SCD5: variants seen among roughly 807,000 people sequenced by gnomAD.
SCD5 encodes acyl-CoA-desaturase 4.
SCD5 carries 20 observed loss-of-function variants against 30.4 expected under a neutral mutation model. The observed-to-expected ratio is 0.66, with a 90% CI of 0.46 to 0.96. SCD5 has a LOEUF of 0.96. SCD5 is among the 40% of genes least tolerant of loss of function. The pLI, the probability that SCD5 is intolerant of heterozygous loss-of-function variation, is 0.00. For synonymous variants in SCD5, 173 were observed against 176.4 expected, an observed-to-expected ratio of 0.98 and a Z score of 0.16; for missense variants, 381 against 443.3, an observed-to-expected ratio of 0.86 and a Z score of 1.26.
chr4:82,641,089 T>TGA (rs2148812729), intron 3 of SCD5, among the ~76,000 whole-genome samples: 1 of 152,054 alleles, frequency 6.6e-6, no homozygotes, highest in African/African-American at 2.4e-5. Flanking sequence ...GCCCTAGAAC[T>TGA]GAGACAGAAG....
intron 1 of SCD5, among the ~76,000 whole-genome samples, chr4:82,720,448 A>AT: frequency 6.7e-6 from 1 of 148,246 alleles, no homozygotes; most frequent in East Asian, 1.9e-4. Flanking sequence ...AAATAAAAAA[A>AT]AAAAAAAAAA....
At chr4:82,748,290 T>C (rs191425043) in intron 1 of SCD5, among the ~76,000 whole-genome samples, 4 of 151,748 alleles carry the variant, frequency 2.6e-5, no homozygotes, top group Non-Finnish European at 4.4e-5. Flanking sequence ...ATTGATAGAC[T>C]CAGGCCTAGG....
chr4:82,754,286 A>G (rs972232659), intron 1 of SCD5, among the ~76,000 whole-genome samples: 6 of 152,244 alleles, frequency 3.9e-5, no homozygotes, highest in African/African-American at 1.2e-4. Context: ...GATACTAAAA[A>G]TAAATTCAAA....
intron 3 of SCD5, among the ~76,000 whole-genome samples, chr4:82,651,291 G>C (rs747650327): frequency 6.6e-6 from 1 of 152,182 alleles, no homozygotes; most frequent in East Asian, 1.9e-4. Flanking sequence ...CTAGGTATAA[G>C]AAAGAAAGAA....
chr4:82,730,444 A>G (rs988529810), intron 1 of SCD5, among the ~76,000 whole-genome samples: 4 of 148,070 alleles, frequency 2.7e-5, no homozygotes, highest in South Asian at 2.1e-4. Flanking sequence ...TTACAGGCGC[A>G]TGCCACTATG....
At chr4:82,770,129 C>A (rs1418647652) in intron 1 of SCD5, among the ~76,000 whole-genome samples, 1 of 152,082 alleles carries the variant, frequency 6.6e-6, no homozygotes, top group Non-Finnish European at 1.5e-5. Context: ...TGGTGTGCTG[C>A]ACCCATTAAC....
At chr4:82,631,623 A>G in intron 4 of SCD5, 106 bp from the exon 5 acceptor site, 2 of 1,178,780 alleles carry the variant, frequency 1.7e-6, no homozygotes, top group East Asian at 2.5e-5. Flanking sequence ...ACATGGTGTC[A>G]GCCTCTGTGA....
intron 1 of SCD5, among the ~76,000 whole-genome samples, chr4:82,775,229 C>T (rs894299077): frequency 1.3e-5 from 2 of 152,196 alleles, no homozygotes; most frequent in African/African-American, 4.8e-5. Context: ...CAGTTGCTTC[C>T]CTCTCCTGTT....
At chr4:82,791,454 C>G (rs573774859) in intron 1 of SCD5, among the ~76,000 whole-genome samples, 49 of 151,786 alleles carry the variant, frequency 3.2e-4, no homozygotes, top group Middle Eastern at 3.4e-3. Context: ...ACCAGGGCTT[C>G]CTGATAACCA....
At chr4:82,740,355 G>A (rs12640414) in intron 1 of SCD5, among the ~76,000 whole-genome samples, 22,078 of 152,174 alleles carry the variant, frequency 0.15, 2,847 homozygotes, top group African/African-American at 0.35. Context: ...TCAGAGGGGA[G>A]AAAGGATGGG....
chr4:82,700,171 C>A (rs1719788309), intron 2 of SCD5, among the ~76,000 whole-genome samples: 1 of 152,030 alleles, frequency 6.6e-6, no homozygotes, highest in Admixed American at 6.5e-5. Flanking sequence ...GAGTCGAGAT[C>A]ACACCACTGC....
chr4:82,785,344 A>T (rs1721963453), intron 1 of SCD5, among the ~76,000 whole-genome samples: 1 of 152,244 alleles, frequency 6.6e-6, no homozygotes, highest in Non-Finnish European at 1.5e-5. Flanking sequence ...AAGGATGACC[A>T]TGCAAGACAA....
intron 1 of SCD5, among the ~76,000 whole-genome samples, chr4:82,745,548 G>A (rs1054949746): frequency 7.2e-5 from 11 of 152,194 alleles, no homozygotes; most frequent in African/African-American, 2.7e-4. Context: ...TGTGCAGGAT[G>A]TGCAGGTTTG....
At chr4:82,784,473 T>C (rs903809072) in intron 1 of SCD5, among the ~76,000 whole-genome samples, 3 of 152,352 alleles carry the variant, frequency 2.0e-5, no homozygotes, top group Admixed American at 2.0e-4. Context: ...TATTTTTCTC[T>C]GATGATAAAA....
chr4:82,785,864 G>T (rs775046862), intron 1 of SCD5, among the ~76,000 whole-genome samples: 3 of 152,112 alleles, frequency 2.0e-5, no homozygotes, highest in Non-Finnish European at 4.4e-5. Context: ...TAACAGAGAC[G>T]CCAGGGCAAA....
At chr4:82,689,511 T>C (rs113801197) in intron 2 of SCD5, among the ~76,000 whole-genome samples, 306 of 152,320 alleles carry the variant, frequency 2.0e-3, no homozygotes, top group African/African-American at 7.0e-3. Flanking sequence ...AAACAGTCCA[T>C]GGGCTATAAA....
chr4:82,779,817 G>T (rs1213706859), intron 1 of SCD5, among the ~76,000 whole-genome samples: 2 of 152,192 alleles, frequency 1.3e-5, no homozygotes, highest in African/African-American at 4.8e-5. Context: ...CAATTTTTCA[G>T]ATTTTTGTAT....
At chr4:82,679,264 G>A (rs200729357) in intron 3 of SCD5, among the ~76,000 whole-genome samples, 8 of 99,960 alleles carry the variant, frequency 8.0e-5, no homozygotes, top group African/African-American at 2.6e-4. Context: ...AAGAAAGAAG[G>A]AAGGAAAGAA....
chr4:82,718,020 G>T (rs1293129096), intron 1 of SCD5, among the ~76,000 whole-genome samples: 1 of 143,018 alleles, frequency 7.0e-6, no homozygotes, highest in Non-Finnish European at 1.5e-5. Flanking sequence ...AAAAAAAAAA[G>T]AATAATTTCT....
Sources: gnomAD v4.1 joint callset for allele counts (sites outside exome capture counted in the v4.1 genomes callset) on GRCh38, gnomAD v4.1.1 for gene constraint, MANE v1.5 for transcripts, NCBI Gene and HGNC (gene_info 2026-07-23, HGNC 2026-07-21) for gene names.